The following SLC6A20 variants were observed in gnomAD, a reference collection of about 807,000 sequenced individuals.
The protein encoded by SLC6A20 is solute carrier family 6 member 20, also known as sodium- and chloride-dependent transporter XTRP3.
A neutral mutation model predicts 64.3 loss-of-function variants in SLC6A20; 73 were observed. That is an observed-to-expected ratio of 1.14 (90% confidence interval 0.94 to 1.38). The LOEUF is 1.38. Ranked by LOEUF, SLC6A20 falls within the 40% of genes most tolerant of loss-of-function variation. The probability of loss-of-function intolerance (pLI) is 0.00; values close to 1 mark genes in which losing one functional copy is unlikely to be tolerated. For synonymous variants in SLC6A20, 347 were observed against 329.6 expected (o/e 1.05, Z -0.57); for missense variants, 725 against 772.8 (o/e 0.94, Z 0.73).
At chr3:45,785,714 G>T (rs1700160206) in intron 1 of SLC6A20, among the ~76,000 whole-genome samples, 1 of 150,948 alleles carries the variant, frequency 6.6e-6, no homozygotes, top group African/African-American at 2.4e-5. Flanking sequence ...TGCCTTAAAG[G>T]CATGTGTGGA....
At position 45,762,936 on chromosome 3, in the gene SLC6A20, C is replaced by T; in HGVS notation, c.1440G>A (p.Val480=). ...LLIVLVETIA[V]CYVYGLRRFE... Reference sequence around the variant, plus strand: ...ACCTCCTCAGCCCGTACACGTAGCACACGGCAATCGTCTCCACCAGCACGA... The same window carrying T: ...ACCTCCTCAGCCCGTACACGTAGCATACGGCAATCGTCTCCACCAGCACGA... Residue 480 remains valine, a synonymous_variant, in exon 9 of 11, where the codon GTG becomes GTA. Coordinates refer to ENST00000358525, the MANE Select transcript of SLC6A20 (RefSeq NM_020208.4). 2 of 1,614,146 alleles carry T rather than the reference C, an allele frequency of 1.2e-6. No individual in the cohort carries two copies. The highest frequency in any genetic ancestry group is 2.2e-5 in the East Asian group (1 of 44,880).
rs778667735 is a variant in SLC6A20, at chr3:45,762,880, C to A, written c.1463+33G>T. On this transcript the variant is annotated intron_variant, in intron 9 of 10. Transcript: ENST00000358525. ...GGCGTGGCCTCTGTGGCTGTGTTTT[C>A]CCTATGCAAATGAGGGTCCTGGGCC... 4 of 1,611,208 alleles carry A rather than the reference C, an allele frequency of 2.5e-6. No homozygotes were observed. The Admixed American group carries it at 6.7e-5, about 27-fold the overall frequency.
chr3:45,760,326 C>A (rs1699648275), intron 9 of SLC6A20, among the ~76,000 whole-genome samples: 1 of 152,198 alleles, frequency 6.6e-6, no homozygotes. Flanking sequence ...CAGAGGGCAG[C>A]CTCCAGGAAT....
Position 45,771,327 on chromosome 3 carries a change from G to A in SLC6A20, c.825C>T (p.His275=), listed in dbSNP as rs201899915. ...TGTTGATGAGGGACACGATGATGGC[G>A]TGCTTCTGGCAGTTGTTGGATGGCT... ...YNEPSNNCQK[H]AIIVSLINSF... is the part of the protein sequence containing the mutation. The change falls in exon 6 of 11, where the codon CAC becomes CAT. Residue 275 remains histidine (H), a synonymous_variant. Coordinates refer to ENST00000358525, the MANE Select transcript of SLC6A20 (RefSeq NM_020208.4). The A allele has an allele frequency of 3.8e-5, 61 of 1,614,266 alleles. No individual in the cohort carries two copies. Among genetic ancestry groups the A allele is most frequent in the African/African-American group, 5.3e-5 (4 of 75,064 alleles).
At chr3:45,775,303 C>G (rs1292794431) in intron 4 of SLC6A20, among the ~76,000 whole-genome samples, 1 of 152,048 alleles carries the variant, frequency 6.6e-6, no homozygotes, top group Non-Finnish European at 1.5e-5. Flanking sequence ...AGGACACACC[C>G]CAGACTGGTT....
chr3:45,776,047 C>T, intron 3 of SLC6A20, 59 bp from the exon 4 acceptor site: 1 of 1,542,138 alleles, frequency 6.5e-7, no homozygotes, highest in Non-Finnish European at 8.9e-7. Context: ...AAGGCTGTGG[C>T]AGGGGTGAGG....
chr3:45,777,269 AC>A (rs1699984683), intron 3 of SLC6A20, among the ~76,000 whole-genome samples: 1 of 152,084 alleles, frequency 6.6e-6, no homozygotes, highest in South Asian at 2.1e-4. Flanking sequence ...AGGTCTGCAC[AC>A]CCAGACAGTG....
At chr3:45,781,361 G>A (rs748723103) in intron 2 of SLC6A20, among the ~76,000 whole-genome samples, 32 of 152,320 alleles carry the variant, frequency 2.1e-4, no homozygotes, top group Middle Eastern at 6.8e-3. Context: ...CTCCTGAAAC[G>A]TCACTCTGCT....
intron 7 of SLC6A20, among the ~76,000 whole-genome samples, chr3:45,767,389 T>C (rs1699794888): frequency 6.6e-6 from 1 of 152,170 alleles, no homozygotes; most frequent in Admixed American, 6.5e-5. Flanking sequence ...ATAGCATCTA[T>C]ATAAAAAATA....
chr3:45,775,976 A>G lies in SLC6A20; in HGVS notation c.367T>C (p.Trp123Arg). ...LFHSFQDPLPWSVCPLNGNHT... is the reference protein window; with the variant it reads ...LFHSFQDPLPRSVCPLNGNHT... ...TTACCATTCAGTGGGCAGACAGACCACGGCAGGGGATCCTGTGGGACCAAA... is the reference window on the plus strand; with the variant it reads ...TTACCATTCAGTGGGCAGACAGACCGCGGCAGGGGATCCTGTGGGACCAAA... Residue 123 changes from tryptophan (W) to arginine (R), a missense_variant, in exon 4 of 11, where the codon TGG becomes CGG. Transcript: ENST00000358525. 2 of 1,614,182 alleles carry G rather than the reference A, an allele frequency of 1.2e-6. No individual in the cohort carries two copies. The highest frequency in any genetic ancestry group is 1.7e-6 in the Non-Finnish European group (2 of 1,180,016).
intron 4 of SLC6A20, among the ~76,000 whole-genome samples, chr3:45,774,472 T>C (rs1699931465): frequency 6.6e-6 from 1 of 152,218 alleles, no homozygotes. Flanking sequence ...CTGCAGGTTC[T>C]AAGCTCTCTC....
chr3:45,769,514 A>G (rs192367228), intron 7 of SLC6A20, among the ~76,000 whole-genome samples: 328 of 151,010 alleles, frequency 2.2e-3, no homozygotes, highest in Non-Finnish European at 3.8e-3. Context: ...AAGGGAATGG[A>G]TAAATAAATT....
At chr3:45,782,013 T>C (rs1700093747) in intron 2 of SLC6A20, 70 bp downstream of exon 2, 2 of 1,474,382 alleles carry the variant, frequency 1.4e-6, no homozygotes, top group Non-Finnish European at 9.0e-7. Context: ...GCTTTGCTGA[T>C]GGGATCCCAC....
intron 1 of SLC6A20, among the ~76,000 whole-genome samples, chr3:45,786,679 C>A (rs1266665587): frequency 1.3e-5 from 2 of 152,244 alleles, no homozygotes; most frequent in Admixed American, 1.3e-4. Context: ...ATTTCTCATA[C>A]TTTTGCCCAG....
rs1414688315 is a variant in SLC6A20 at position 45,756,927 on chromosome 3, G to C, written c.*2051C>G. ...GTATTTATTGATCATTATTTTTACT[G>C]TCTTAGCGAGGGGAGTGTAGCAGGG... On this transcript the variant is annotated 3_prime_UTR_variant, in exon 11 of 11. Coordinates refer to ENST00000358525, the MANE Select transcript of SLC6A20 (RefSeq NM_020208.4). 1.3e-5 allele frequency: 2 copies of C among 152,258 alleles called. No individual in the cohort carries two copies. Among genetic ancestry groups the C allele is most frequent in the Non-Finnish European group, 2.9e-5 (2 of 68,020 alleles). 9.4% of individuals were successfully genotyped at this position (152,258 alleles called of 1,614,324 possible). A position where few individuals can be genotyped will look rare whatever the true frequency, so the allele number is the denominator to read the frequency against.
rs1700165879 is a variant in SLC6A20, at chr3:45,786,132, TC to T, written c.122-3910del. 3.9e-5 allele frequency among the ~76,000 whole-genome samples: 6 copies of T among 152,270 alleles called. 1 individual carries two copies. In the South Asian group the frequency reaches 1.2e-3, roughly 32 times the overall value. ...GTTGCTTTAAGTCACTAATTTTTTT[TC>T]TTTTTACCTCTCAATATTTTCAGTG... On this transcript the variant is annotated intron_variant, in intron 1 of 10. Transcript: ENST00000358525.
chr3:45,771,312 G>C lies in SLC6A20; in HGVS notation c.840C>G (p.Ser280=), dbSNP rs146332099. 6.2e-7 allele frequency: 1 copy of C among 1,614,250 alleles called. No homozygotes were observed. Among genetic ancestry groups the C allele is most frequent in the African/African-American group, 1.3e-5 (1 of 75,066 alleles). Residue 280 remains serine, a synonymous_variant, in exon 6 of 11, where the codon TCC becomes TCG. Transcript: ENST00000358525. ...NNCQKHAIIV[S]LINSFTSIFA... is the part of the protein sequence containing the mutation. ...ATATGGAGGTGAAGCTGTTGATGAG[G>C]GACACGATGATGGCGTGCTTCTGGC... is the stretch of plus-strand genomic sequence containing the variant.
intron 1 of SLC6A20, among the ~76,000 whole-genome samples, chr3:45,793,131 G>C (rs890032695): frequency 2.0e-5 from 3 of 152,204 alleles, no homozygotes; most frequent in African/African-American, 7.2e-5. Flanking sequence ...CTGGCTTCCT[G>C]TCCCAGACAG....
intron 3 of SLC6A20, among the ~76,000 whole-genome samples, chr3:45,777,485 T>G (rs1480342846): frequency 1.3e-5 from 2 of 152,230 alleles, no homozygotes; most frequent in Non-Finnish European, 2.9e-5. Flanking sequence ...GAGTCTGGGC[T>G]GTCCTCCGAT....
Sources: allele counts gnomAD v4.1 joint callset (sites outside exome capture counted in the v4.1 genomes callset), GRCh38; gene constraint gnomAD v4.1.1; transcripts MANE v1.5; gene names NCBI Gene and HGNC (gene_info 2026-07-23, HGNC 2026-07-21).